Variants in HYDIN observed in about 807,000 individuals in gnomAD.
HYDIN encodes HYDIN axonemal central pair apparatus protein, also known as axonemal central pair apparatus protein HYDIN.
In HYDIN, 132 loss-of-function variants were observed where a neutral mutation model predicts 403.9. The observed-to-expected ratio is 0.33, with a 90% CI of 0.28 to 0.38. HYDIN has a LOEUF of 0.38. HYDIN is among the 10% of genes least tolerant of loss of function. The probability of loss-of-function intolerance (pLI) is 1.00; values close to 1 mark genes in which losing one functional copy is unlikely to be tolerated. For missense variants in HYDIN, 2,827 were observed against 5,009.5 expected, an observed-to-expected ratio of 0.56 and a Z score of 13.15; for synonymous variants, 1,202 against 1,891.7, an observed-to-expected ratio of 0.64 and a Z score of 9.46.
intron 11 of HYDIN, among the ~76,000 whole-genome samples, chr16:71,090,799 G>A (rs970288312): frequency 8.6e-5 from 13 of 151,300 alleles, no homozygotes; most frequent in Non-Finnish European, 1.5e-4. Context: ...GCCACCACAC[G>A]TAGTCAGTGA....
rs145214077 is a variant in HYDIN, at chr16:70,806,315, A to G, written c.*1265T>C. 1.2e-3 allele frequency among the ~76,000 whole-genome samples: 182 copies of G among 152,234 alleles called. 4 individuals carry two copies. The East Asian group carries it at 0.034, about 29-fold the overall frequency. The stretch of plus-strand genomic sequence containing the variant: ...GGAATGTATCCCCTGAGGATGAGGG[A>G]GGACTATTGTAAAGGTCTGTGTTTA... On this transcript the variant is annotated 3_prime_UTR_variant, in exon 86 of 86. Coordinates refer to ENST00000393567, the MANE Select transcript of HYDIN (RefSeq NM_001270974.2).
chr16:71,135,837 T>G (rs1231529967), intron 8 of HYDIN, among the ~76,000 whole-genome samples: 1 of 142,300 alleles, frequency 7.0e-6, no homozygotes, highest in Non-Finnish European at 1.5e-5. Flanking sequence ...ATTCAGTGAT[T>G]AAAGCTCATT....
rs976730509 is a variant in HYDIN, at chr16:70,855,227, C to G, written c.12344G>C (p.Gly4115Ala). Residue 4115 changes from glycine (G) to alanine (A), a missense_variant, in exon 73 of 86, where the codon GGG (glycine) becomes GCG (alanine). Gly to Ala is a moderately conservative substitution (Grantham distance 60, BLOSUM62 0). Coordinates refer to ENST00000393567, the MANE Select transcript of HYDIN (RefSeq NM_001270974.2). ...TVQIINKEEQ[G>A]FDFSFQDNSR... is the part of the protein sequence containing the mutation. ...GTTGTCCTGGAAGGAAAAATCGAAC[C>G]CCTGCTCCTCCTTGTTAATGATCTG... The G allele has an allele frequency of 5.7e-6, 9 of 1,569,530 alleles. 1 individual carries two copies. Among genetic ancestry groups the G allele is most frequent in the Non-Finnish European group, 6.9e-6 (8 of 1,163,374 alleles).
intron 6 of HYDIN, among the ~76,000 whole-genome samples, chr16:71,161,237 T>A (rs2144601274): frequency 6.6e-6 from 1 of 151,322 alleles, no homozygotes; most frequent in East Asian, 2.0e-4. Context: ...GGGTGTGTGC[T>A]CCTATGAGAA....
intron 13 of HYDIN, among the ~76,000 whole-genome samples, chr16:71,077,600 T>C (rs2082657693): frequency 6.6e-6 from 1 of 152,098 alleles, no homozygotes; most frequent in Non-Finnish European, 1.5e-5. Flanking sequence ...CCTTTTATTT[T>C]CTTATCACAA....
chr16:71,039,676 A>AG (rs2081217490), intron 18 of HYDIN, among the ~76,000 whole-genome samples: 1 of 152,192 alleles, frequency 6.6e-6, no homozygotes, highest in East Asian at 1.9e-4. Flanking sequence ...GCCGGACTTC[A>AG]GGGGAAGATC....
intron 18 of HYDIN, among the ~76,000 whole-genome samples, chr16:71,059,141 T>G (rs1334441266): frequency 1.3e-5 from 2 of 152,274 alleles, no homozygotes; most frequent in South Asian, 2.1e-4. Flanking sequence ...CTGAAGCTCT[T>G]TAGTTTAATT....
In HYDIN at chr16:70,943,749, A is replaced by G. The variant is rs539119758; in HGVS notation, c.6669+63T>C. The G allele has an allele frequency of 7.1e-5, 112 of 1,567,172 alleles. 2 individuals are homozygous for G. The South Asian group carries it at 1.2e-3, about 17-fold the overall frequency. ...GGCTGATGGCCCAGAACCTCTGTCC[A>G]GGGTGTGGGGATGGTGCGTGAATGC... is the stretch of plus-strand genomic sequence containing the variant. On this transcript the variant is annotated intron_variant, in intron 42 of 85. Coordinates refer to ENST00000393567, the MANE Select transcript of HYDIN (RefSeq NM_001270974.2).
At chr16:70,954,829 A>C (rs1485301541) in intron 40 of HYDIN, among the ~76,000 whole-genome samples, 12 of 152,126 alleles carry the variant, frequency 7.9e-5, no homozygotes. Flanking sequence ...CAAATTCCTA[A>C]TCTTGGCATT....
At chr16:70,893,112 G>A (rs1467643136) in intron 55 of HYDIN, among the ~76,000 whole-genome samples, 1 of 152,176 alleles carries the variant, frequency 6.6e-6, no homozygotes, top group Non-Finnish European at 1.5e-5. Flanking sequence ...GAATGTCACC[G>A]CCATGCTCCA....
chr16:71,055,115 G>A (rs564515035), intron 18 of HYDIN, among the ~76,000 whole-genome samples: 3 of 152,266 alleles, frequency 2.0e-5, no homozygotes, highest in Admixed American at 6.5e-5. Context: ...ACATGAAACC[G>A]TGCTCCTTTC....
At chr16:71,033,986 A>C (rs1365144053) in intron 18 of HYDIN, among the ~76,000 whole-genome samples, 4 of 152,178 alleles carry the variant, frequency 2.6e-5, no homozygotes, top group Non-Finnish European at 5.9e-5. Context: ...CTTCCAGGAT[A>C]ATAACGGAGA....
intron 23 of HYDIN, among the ~76,000 whole-genome samples, chr16:71,016,825 G>T (rs1276571654): frequency 2.0e-5 from 3 of 152,086 alleles, no homozygotes; most frequent in Admixed American, 2.0e-4. Flanking sequence ...TAATGACATG[G>T]ATGAACCTTG....
rs1395186371 is a variant in HYDIN, at chr16:70,913,569, T to C, written c.8004+4642A>G. Among the ~76,000 whole-genome samples the C allele has an allele frequency of 3.2e-5, 4 of 123,846 alleles. 1 individual carries two copies. The highest frequency in any genetic ancestry group is 1.2e-4 in the African/African-American group (4 of 32,544). The allele number at this position is 123,846 out of a possible 152,430, so 81.2% of individuals were successfully genotyped here. On this transcript the variant is annotated intron_variant, in intron 47 of 85. Coordinates refer to ENST00000393567, the MANE Select transcript of HYDIN (RefSeq NM_001270974.2). ...ATCATATGGTCTATCTTGGAGAAAG[T>C]TCCATGAACTGTTGAGTAGCATGTG...
chr16:71,214,910 T>C (rs2088798309), intron 1 of HYDIN, among the ~76,000 whole-genome samples: 1 of 152,170 alleles, frequency 6.6e-6, no homozygotes, highest in Non-Finnish European at 1.5e-5. Context: ...ACTCAAGTCC[T>C]AGACTCAGGC....
chr16:70,917,432 G>C (rs1366936652), intron 47 of HYDIN, among the ~76,000 whole-genome samples: 2 of 151,930 alleles, frequency 1.3e-5, no homozygotes, highest in Non-Finnish European at 2.9e-5. Context: ...GAAGTTACGA[G>C]CTCTCTTTGC....
intron 36 of HYDIN, among the ~76,000 whole-genome samples, chr16:70,967,427 A>T (rs943301673): frequency 1.3e-5 from 2 of 151,252 alleles, no homozygotes; most frequent in African/African-American, 2.4e-5. Context: ...CTCCCACCTC[A>T]GCCCCTCGAG....
Position 71,184,978 on chromosome 16 carries a change from C to G in HYDIN, c.148G>C (p.Glu50Gln). The G allele has an allele frequency of 6.2e-7, 1 of 1,607,824 alleles. No individual in the cohort carries two copies. The highest frequency in any genetic ancestry group is 8.5e-7 in the Non-Finnish European group (1 of 1,176,226). Residue 50 changes from glutamate to glutamine, a missense_variant, in exon 3 of 86, where the codon GAG becomes CAG. By Grantham distance (29) the Glu-to-Gln change is conservative. Transcript: ENST00000393567. ...GTCAGGGACATTTCCTTCAGGAACT[C>G]TGAGGGTGTAAGCTAGAATGTAAAA... ...EEVNRMLTPS[E>Q]FLKEMSLTTE...
In HYDIN at chr16:70,866,345, C is replaced by A; in HGVS notation, c.11311-16G>T. On this transcript the variant is annotated splice_polypyrimidine_tract_variant and intron_variant, in intron 66 of 85. Transcript: ENST00000393567. The stretch of plus-strand genomic sequence containing the variant: ...TCTCTATCACCTGTAACAAAGGCAG[C>A]TGTGTCCTCAGAGATGCAGAGCACA... The A allele has an allele frequency of 3.3e-6, 3 of 915,956 alleles. No homozygotes were observed. Among genetic ancestry groups the A allele is most frequent in the Non-Finnish European group, 5.1e-6 (3 of 593,592 alleles). 56.7% of individuals were successfully genotyped at this position (915,956 alleles called of 1,614,324 possible).
Sources: gnomAD v4.1 joint callset for allele counts (sites outside exome capture counted in the v4.1 genomes callset) on GRCh38, gnomAD v4.1.1 for gene constraint, MANE v1.5 for transcripts, NCBI Gene and HGNC (gene_info 2026-07-23, HGNC 2026-07-21) for gene names.